Variants in MED12L observed in about 807,000 individuals in gnomAD.
MED12L encodes the protein mediator of RNA polymerase II transcription subunit 12-like protein.
A neutral mutation model predicts 281.3 loss-of-function variants in MED12L; 60 were observed. The observed-to-expected ratio is 0.21, with a 90% CI of 0.17 to 0.26. The LOEUF (loss-of-function observed/expected upper bound fraction) is 0.26. MED12L is among the 10% of genes least tolerant of loss of function. The pLI, the probability that MED12L is intolerant of heterozygous loss-of-function variation, is 1.00. For synonymous variants in MED12L, 974 were observed against 987.2 expected (o/e 0.99, Z 0.25); for missense variants, 2,146 against 2,680.9 (o/e 0.80, Z 4.41).
intron 16 of MED12L, among the ~76,000 whole-genome samples, chr3:151,330,473 A>G (rs1014740823): frequency 6.6e-6 from 1 of 152,150 alleles, no homozygotes; most frequent in South Asian, 2.1e-4. Context: ...GTGCTTTTGC[A>G]TAGAGAAAGT....
intron 5 of MED12L, among the ~76,000 whole-genome samples, chr3:151,155,927 T>C (rs1263626164): frequency 6.6e-6 from 1 of 152,192 alleles, no homozygotes; most frequent in African/African-American, 2.4e-5. Flanking sequence ...TGCCTGTTTC[T>C]CCGAGAGCTG....
intron 2 of MED12L, among the ~76,000 whole-genome samples, chr3:151,094,949 A>G (rs1720521258): frequency 6.6e-6 from 1 of 152,194 alleles, no homozygotes; most frequent in Admixed American, 6.5e-5. Context: ...GGGTATAGAT[A>G]GAAGCATTTA....
intron 36 of MED12L, among the ~76,000 whole-genome samples, 185 bp downstream of exon 36, chr3:151,385,376 T>G (rs1304149475): frequency 6.6e-6 from 1 of 152,158 alleles, no homozygotes; most frequent in African/African-American, 2.4e-5. Flanking sequence ...TCTTTGAAGA[T>G]CTACGTTTTA....
At chr3:151,140,826 C>T (rs563392326) in intron 5 of MED12L, among the ~76,000 whole-genome samples, 17 of 151,922 alleles carry the variant, frequency 1.1e-4, no homozygotes, top group African/African-American at 3.4e-4. Flanking sequence ...ATTACAGGCA[C>T]GTGCCTCCAC....
At chr3:151,198,274 C>T (rs1724950697) in intron 16 of MED12L, 1 of 553,592 alleles carries the variant, frequency 1.8e-6, no homozygotes, top group Non-Finnish European at 3.0e-6. Context: ...CATTTAGAAA[C>T]AGGATTTCTA....
In MED12L at chr3:151,387,946, A is replaced by T; in HGVS notation, c.5225A>T (p.His1742Leu). The T allele has an allele frequency of 6.2e-7, 1 of 1,613,984 alleles. No individual in the cohort carries two copies. Among genetic ancestry groups the T allele is most frequent in the East Asian group, 2.2e-5 (1 of 44,862 alleles). ...AGAGTGATCAAGTACGAGGAGCAGCATCACCTCCTGCTGTATCACACACAC... is the reference window on the plus strand; with the variant it reads ...AGAGTGATCAAGTACGAGGAGCAGCTTCACCTCCTGCTGTATCACACACAC... ...DRRVIKYEEQ[H>L]HLLLYHTHPM... Residue 1742 changes from histidine (H) to leucine (L), a missense_variant, in exon 37 of 45, where the codon CAT becomes CTT. Physicochemically the swap from His to Leu is moderately conservative, Grantham distance 99. Transcript: ENST00000687756.
intron 5 of MED12L, among the ~76,000 whole-genome samples, chr3:151,154,586 C>T (rs1013188475): frequency 1.3e-5 from 2 of 152,074 alleles, no homozygotes; most frequent in Admixed American, 6.6e-5. Context: ...ATTTTTAGCT[C>T]CTGAGGCTAA....
At position 151,257,319 on chromosome 3, in the gene MED12L, G is replaced by A. The variant is rs571831155; in HGVS notation, c.2250+63653G>A. Among the ~76,000 whole-genome samples, 113 of 152,338 alleles carry A rather than the reference G, an allele frequency of 7.4e-4. 1 individual carries two copies. Among genetic ancestry groups the A allele is most frequent in the Non-Finnish European group, 1.3e-3 (87 of 68,028 alleles). Reference sequence around the variant, plus strand: ...CCACTGCGTATTAATCTCTTAGACAGTTGAAACATTTGTTGACCTGTAGTC... The same window carrying A: ...CCACTGCGTATTAATCTCTTAGACAATTGAAACATTTGTTGACCTGTAGTC... On this transcript the variant is annotated intron_variant, in intron 16 of 44. Coordinates refer to ENST00000687756, the MANE Select transcript of MED12L (RefSeq NM_001393769.1).
intron 16 of MED12L, among the ~76,000 whole-genome samples, chr3:151,247,601 G>A (rs1175791500): frequency 7.8e-5 from 9 of 114,992 alleles, no homozygotes; most frequent in African/African-American, 2.1e-4. Flanking sequence ...ATCACACTCC[G>A]GGGACTGTTG....
intron 16 of MED12L, among the ~76,000 whole-genome samples, chr3:151,281,218 C>T (rs1242116282): frequency 3.4e-5 from 4 of 119,122 alleles, no homozygotes; most frequent in Non-Finnish European, 6.5e-5. Flanking sequence ...GAAACCCTAT[C>T]TCTACCAAAA....
At chr3:151,336,408 C>A (rs1750999888) in intron 16 of MED12L, 2 of 423,902 alleles carry the variant, frequency 4.7e-6, no homozygotes, top group South Asian at 1.7e-5. Context: ...TAGAACTCAG[C>A]AGAGGTTGTA....
At position 151,160,246 on chromosome 3, in the gene MED12L, T is replaced by G. The variant is rs1000721679; in HGVS notation, c.1107+145T>G. ...GTAATTTATTGATTGAAATTTTATG[T>G]TTTTATTTCCCTGTGATGGATCAAG... On this transcript the variant is annotated intron_variant, in intron 8 of 44. Transcript: ENST00000687756. 5.2e-6 allele frequency: 4 copies of G among 766,946 alleles called. No individual in the cohort carries two copies. In the Admixed American group the frequency reaches 8.7e-5, roughly 17 times the overall value. 47.5% of individuals were successfully genotyped at this position (766,946 alleles called of 1,614,324 possible). A position where few individuals can be genotyped will look rare whatever the true frequency, so the allele number is the denominator to read the frequency against.
chr3:151,309,355 C>T (rs1747174936), intron 16 of MED12L, among the ~76,000 whole-genome samples: 2 of 152,150 alleles, frequency 1.3e-5, no homozygotes, highest in South Asian at 2.1e-4. Context: ...ATATTTGCCA[C>T]ATGCATTTTC....
intron 5 of MED12L, among the ~76,000 whole-genome samples, chr3:151,141,178 G>GTTTGTTTGTTTTTTTTTTTTTTTTTTTT (rs1553808456): frequency 4.9e-5 from 5 of 102,188 alleles, no homozygotes; most frequent in African/African-American, 2.1e-4. Context: ...TTTTTTTTTT[G>GTTTGTTTGTTTTTTTTTTTTTTTTTTTT]TTTTTTTTGT....
At chr3:151,242,462 G>A (rs1215213469) in intron 16 of MED12L, among the ~76,000 whole-genome samples, 1 of 152,202 alleles carries the variant, frequency 6.6e-6, no homozygotes, top group Non-Finnish European at 1.5e-5. Context: ...GTGGGTCCCT[G>A]ACCCCTGAGC....
intron 16 of MED12L, among the ~76,000 whole-genome samples, chr3:151,248,159 A>G (rs1330670689): frequency 6.6e-6 from 1 of 152,034 alleles, no homozygotes; most frequent in Non-Finnish European, 1.5e-5. Context: ...TTTGTTATTT[A>G]AATGTTTAAC....
At chr3:151,122,717 T>G (rs1375452917) in intron 3 of MED12L, 66 bp from the exon 4 acceptor site, 2 of 1,063,592 alleles carry the variant, frequency 1.9e-6, no homozygotes, top group Non-Finnish European at 1.3e-6. Context: ...AGAAAAATAC[T>G]AATGTACAGT....
intron 16 of MED12L, among the ~76,000 whole-genome samples, chr3:151,263,177 G>A (rs1314343124): frequency 3.3e-5 from 5 of 152,152 alleles, no homozygotes; most frequent in African/African-American, 9.7e-5. Flanking sequence ...CAGGCCCTGT[G>A]CTTTTAGGAT....
intron 5 of MED12L, among the ~76,000 whole-genome samples, chr3:151,137,703 T>A (rs1716356105): frequency 6.6e-6 from 1 of 152,216 alleles, no homozygotes; most frequent in Admixed American, 6.5e-5. Flanking sequence ...ACATGAACAA[T>A]CAAATGATTT....
Sources: gnomAD v4.1 joint callset for allele counts (sites outside exome capture counted in the v4.1 genomes callset) on GRCh38, gnomAD v4.1.1 for gene constraint, MANE v1.5 for transcripts, NCBI Gene and HGNC (gene_info 2026-07-23, HGNC 2026-07-21) for gene names.